Variants in EYA1 observed in about 807,000 individuals in gnomAD.
EYA1 encodes the protein protein phosphatase EYA1.
In EYA1, 16 loss-of-function variants were observed where a neutral mutation model predicts 82.0. The observed-to-expected ratio is 0.20, with a 90% CI of 0.13 to 0.30. The LOEUF is 0.30. EYA1 is among the 10% of genes least tolerant of loss of function. The pLI, the probability that EYA1 is intolerant of heterozygous loss-of-function variation, is 1.00. For missense variants in EYA1, 633 were observed against 730.7 expected (o/e 0.87, Z 1.54); for synonymous variants, 261 against 264.4 (o/e 0.99, Z 0.12).
chr8:71,360,509 T>C (rs1827276806), intron 1 of EYA1, among the ~76,000 whole-genome samples: 1 of 152,236 alleles, frequency 6.6e-6, no homozygotes, highest in South Asian at 2.1e-4. Flanking sequence ...CCTCTATGTC[T>C]GTCACCGCAA....
At chr8:71,230,460 C>T (rs958886716) in intron 12 of EYA1, among the ~76,000 whole-genome samples, 4 of 152,198 alleles carry the variant, frequency 2.6e-5, no homozygotes, top group Non-Finnish European at 4.4e-5. Flanking sequence ...CTCTGTTATT[C>T]GCTGAGGCAC....
chr8:71,250,973 G>T (rs1813683687), intron 11 of EYA1, among the ~76,000 whole-genome samples: 1 of 152,116 alleles, frequency 6.6e-6, no homozygotes, highest in South Asian at 2.1e-4. Flanking sequence ...GAAAAAATGG[G>T]CACTTGAATC....
rs1045660861 is a variant in EYA1 at position 71,361,899 on chromosome 8, A to G, written c.-307T>C. 1.9e-5 allele frequency: 19 copies of G among 985,488 alleles called. 1 individual carries two copies. In the Admixed American group the frequency reaches 3.1e-4, roughly 16 times the overall value. 61.0% of individuals were successfully genotyped at this position (985,488 alleles called of 1,614,324 possible). The stretch of plus-strand genomic sequence containing the variant: ...CTGAGCGAAAACGTGTTCCCCAGGA[A>G]GAAACCCGCCACAGTGGACGGCAAC... On this transcript the variant is annotated 5_prime_UTR_variant, in exon 1 of 18. Coordinates refer to ENST00000340726, the MANE Select transcript of EYA1 (RefSeq NM_000503.6).
chr8:71,455,626 T>C (rs1807828235), intron 2 of EYA1, among the ~76,000 whole-genome samples: 1 of 152,084 alleles, frequency 6.6e-6, no homozygotes, highest in South Asian at 2.1e-4. Flanking sequence ...ATAAATATAA[T>C]CCAGCATATA....
intron 2 of EYA1, among the ~76,000 whole-genome samples, chr8:71,499,959 A>G (rs1811696820): frequency 6.6e-6 from 1 of 152,250 alleles, no homozygotes; most frequent in Non-Finnish European, 1.5e-5. Context: ...GAGACTTGAC[A>G]GCAAAAGTGG....
At chr8:71,490,002 G>A (rs534374185) in intron 2 of EYA1, among the ~76,000 whole-genome samples, 1 of 152,300 alleles carries the variant, frequency 6.6e-6, no homozygotes, top group South Asian at 2.1e-4. Context: ...CCAGGGCCAA[G>A]TGTGATCTCC....
In EYA1 at chr8:71,317,584, G is replaced by A. The variant is rs201908026; in HGVS notation, c.524C>T (p.Pro175Leu). Residue 175 changes from proline (P) to leucine (L), a missense_variant, in exon 7 of 18, where the codon CCT becomes CTT. Transcript: ENST00000340726. ...SYGTSFSTPQ[P>L]GQAPYSYQMQ... ...CTGGTAGCTGTATGGTGCCTGTCCA[G>A]GTTGAGGGGTACTGAAGCTTGTGCC... is the stretch of plus-strand genomic sequence containing the variant. The A allele has an allele frequency of 6.2e-7, 1 of 1,614,136 alleles. No homozygotes were observed. The highest frequency in any genetic ancestry group is 8.5e-7 in the Non-Finnish European group (1 of 1,180,008).
intron 2 of EYA1, among the ~76,000 whole-genome samples, chr8:71,370,868 TCCCACCTTGGCCTCC>T (rs1828041183): frequency 1.3e-5 from 2 of 151,960 alleles, no homozygotes; most frequent in East Asian, 3.9e-4. Flanking sequence ...CAAGCGATGC[TCCCACCTTGGCCTCC>T]CAAAGTGCTG....
intron 2 of EYA1, among the ~76,000 whole-genome samples, chr8:71,403,037 G>C (rs575301652): frequency 6.6e-6 from 1 of 152,152 alleles, no homozygotes; most frequent in Non-Finnish European, 1.5e-5. Flanking sequence ...GATTTTCCCA[G>C]GCAAAATGGT....
chr8:71,395,357 C>T (rs983263013), intron 2 of EYA1, among the ~76,000 whole-genome samples: 24 of 152,172 alleles, frequency 1.6e-4, no homozygotes, highest in Non-Finnish European at 3.1e-4. Flanking sequence ...AGAGGGCATC[C>T]CTGTCTTGTG....
At chr8:71,458,891 A>C (rs965403866) in intron 2 of EYA1, among the ~76,000 whole-genome samples, 2 of 152,160 alleles carry the variant, frequency 1.3e-5, no homozygotes, top group African/African-American at 4.8e-5. Context: ...GGGTTCATCC[A>C]AGGGTAGGAT....
chr8:71,338,853 G>A (rs2129051367), intron 3 of EYA1, among the ~76,000 whole-genome samples: 1 of 152,276 alleles, frequency 6.6e-6, no homozygotes, highest in African/African-American at 2.4e-5. Context: ...CAGCACCTAA[G>A]CTCATCTCAC....
At chr8:71,325,846 C>G (rs890349499) in intron 4 of EYA1, among the ~76,000 whole-genome samples, 68 of 152,234 alleles carry the variant, frequency 4.5e-4, no homozygotes, top group African/African-American at 1.6e-3. Context: ...GGCCTGTAGT[C>G]AAAAATCTAC....
intron 16 of EYA1, 147 bp from the exon 17 acceptor site, chr8:71,211,403 G>A (rs975483996): frequency 1.5e-6 from 1 of 664,154 alleles, no homozygotes; most frequent in Non-Finnish European, 2.7e-6. Flanking sequence ...TATGCCACTT[G>A]GGTTGTATGT....
intron 3 of EYA1, among the ~76,000 whole-genome samples, chr8:71,348,457 G>A (rs79742672): frequency 0.098 from 14,942 of 152,212 alleles, 924 homozygotes; most frequent in East Asian, 0.17. Flanking sequence ...CCCAACCAGC[G>A]GAGAGATGCC....
intron 12 of EYA1, among the ~76,000 whole-genome samples, chr8:71,219,609 G>A (rs1000704564): frequency 6.6e-6 from 1 of 152,112 alleles, no homozygotes; most frequent in Non-Finnish European, 1.5e-5. Context: ...GCCTTGGGAG[G>A]TATGTTTTTA....
At chr8:71,206,103 A>G (rs936588217) in intron 17 of EYA1, among the ~76,000 whole-genome samples, 6 of 152,176 alleles carry the variant, frequency 3.9e-5, no homozygotes, top group African/African-American at 1.4e-4. Context: ...GTTATATCTA[A>G]CTCCTGAAAA....
intron 2 of EYA1, among the ~76,000 whole-genome samples, chr8:71,432,931 A>T (rs1805730274): frequency 1.3e-5 from 2 of 152,152 alleles, no homozygotes; most frequent in Non-Finnish European, 1.5e-5. Flanking sequence ...ATGCTTTTTA[A>T]CTTATATTAT....
chr8:71,203,584 G>T (rs1230776005), intron 17 of EYA1, among the ~76,000 whole-genome samples: 1 of 152,132 alleles, frequency 6.6e-6, no homozygotes, highest in East Asian at 1.9e-4. Flanking sequence ...GGGCTGGACT[G>T]GTGTGTAAAA....
Sources: gnomAD v4.1 joint callset for allele counts (sites outside exome capture counted in the v4.1 genomes callset) on GRCh38, gnomAD v4.1.1 for gene constraint, MANE v1.5 for transcripts, NCBI Gene and HGNC (gene_info 2026-07-23, HGNC 2026-07-21) for gene names.